Variants in RIOK3 observed in about 807,000 individuals in gnomAD.
The protein encoded by RIOK3 is RIO kinase 3.
RIOK3 carries 40 observed loss-of-function variants against 63.5 expected under a neutral mutation model. The observed-to-expected ratio is 0.63, with a 90% CI of 0.49 to 0.82. The LOEUF is 0.82. Among genes scored for constraint, RIOK3 ranks in the 40% least tolerant of loss-of-function variants. RIOK3 has a pLI of 0.00. For missense variants in RIOK3, 557 were observed against 637.0 expected, an observed-to-expected ratio of 0.87 and a Z score of 1.35; for synonymous variants, 193 against 205.0, an observed-to-expected ratio of 0.94 and a Z score of 0.50.
At chr18:23,467,365 G>T (rs1161049046) in intron 6 of RIOK3, 34 bp from the exon 7 acceptor site, 16 of 1,580,770 alleles carry the variant, frequency 1.0e-5, no homozygotes, top group Middle Eastern at 1.7e-4. Context: ...GTGATTAGCA[G>T]TCATTTTCAC....
At chr18:23,477,611 A>G (rs1160571330) in intron 11 of RIOK3, among the ~76,000 whole-genome samples, 2 of 151,050 alleles carry the variant, frequency 1.3e-5, no homozygotes, top group Non-Finnish European at 2.9e-5. Context: ...TAAAAATGCA[A>G]AATTAGCCGG....
At chr18:23,480,152 A>G (rs2057521869) in intron 12 of RIOK3, among the ~76,000 whole-genome samples, 1 of 152,204 alleles carries the variant, frequency 6.6e-6, no homozygotes, top group Admixed American at 6.5e-5. Context: ...AGCTTCCTCC[A>G]GAGAAAGTCT....
intron 9 of RIOK3, among the ~76,000 whole-genome samples, chr18:23,475,781 C>T (rs1054250377): frequency 1.3e-5 from 2 of 152,084 alleles, no homozygotes; most frequent in Non-Finnish European, 2.9e-5. Flanking sequence ...TTTTAGAAAA[C>T]TTACAGACTT....
At chr18:23,460,049 G>A (rs911161794) in intron 1 of RIOK3, among the ~76,000 whole-genome samples, 9 of 152,054 alleles carry the variant, frequency 5.9e-5, no homozygotes, top group African/African-American at 2.2e-4. Context: ...GATAGATGAG[G>A]GTTGAGATTG....
Position 23,483,015 on chromosome 18 carries a change from A to C in RIOK3, c.*1736A>C, listed in dbSNP as rs2057545163. ...TAATTTTTAAAATCTTTAGCATTTA[A>C]AACTTTTTTTGTTTTGTTTTCTGAC... On this transcript the variant is annotated 3_prime_UTR_variant, in exon 13 of 13. Coordinates refer to ENST00000339486, the MANE Select transcript of RIOK3 (RefSeq NM_003831.5). The C allele has an allele frequency of 6.6e-6, 1 of 152,224 alleles. No homozygotes were observed. The highest frequency in any genetic ancestry group is 2.4e-5 in the African/African-American group (1 of 41,452). 9.4% of individuals were successfully genotyped at this position (152,224 alleles called of 1,614,324 possible). A position where few individuals can be genotyped will look rare whatever the true frequency, so the allele number is the denominator to read the frequency against.
intron 6 of RIOK3, 68 bp downstream of exon 6, chr18:23,466,344 A>AG: frequency 1.6e-6 from 2 of 1,267,858 alleles, no homozygotes; most frequent in Non-Finnish European, 2.1e-6. Context: ...CTTTGGGTAA[A>AG]GAAAAAAAAA....
Position 23,474,342 on chromosome 18 carries a change from C to T in RIOK3, c.1014-606C>T, listed in dbSNP as rs143624865. On this transcript the variant is annotated intron_variant, in intron 8 of 12. Transcript: ENST00000339486. ...TAGGAGTTCAAAACCAGCCTGGAAACGTTAGACTCCCAAGACCTTGTCTCA... is the reference window on the plus strand; with the variant it reads ...TAGGAGTTCAAAACCAGCCTGGAAATGTTAGACTCCCAAGACCTTGTCTCA... 2.5e-4 allele frequency among the ~76,000 whole-genome samples: 38 copies of T among 151,934 alleles called. 1 individual carries two copies. The highest frequency in any genetic ancestry group is 7.7e-4 in the East Asian group (4 of 5,170).
At chr18:23,454,399 G>T (rs572126707) in intron 1 of RIOK3, among the ~76,000 whole-genome samples, 97 of 152,362 alleles carry the variant, frequency 6.4e-4, no homozygotes, top group African/African-American at 2.3e-3. Context: ...GTAACCAAAA[G>T]TTAATTTTGT....
intron 7 of RIOK3, among the ~76,000 whole-genome samples, chr18:23,469,429 TC>T (rs1568384704): frequency 8.5e-5 from 11 of 129,764 alleles, no homozygotes; most frequent in South Asian, 3.0e-4. Flanking sequence ...TCTCTCTCTC[TC>T]CCTCTCCTCT....
At chr18:23,468,293 CTTTTTTTTTTT>C (rs1245472469) in intron 7 of RIOK3, among the ~76,000 whole-genome samples, 4 of 46,450 alleles carry the variant, frequency 8.6e-5, no homozygotes, top group Non-Finnish European at 1.5e-4. Context: ...CAATATACTC[CTTTTTTTTTTT>C]TTTTTTTTTT....
Position 23,473,527 on chromosome 18 carries a change from A to G in RIOK3, c.914A>G (p.Tyr305Cys). Reference sequence around the variant, plus strand: ...AATGAATTTAAGAATCGTGACAAATATATTAAAGATGATTTCAGGTTTAAA... The same window carrying G: ...AATGAATTTAAGAATCGTGACAAATGTATTAAAGATGATTTCAGGTTTAAA... ...TLNEFKNRDK[Y>C]IKDDFRFKDR... is the part of the protein sequence containing the mutation. Residue 305 changes from tyrosine (Y) to cysteine (C), a missense_variant, in exon 8 of 13, where the codon TAT becomes TGT. By Grantham distance (194) the Tyr-to-Cys change is radical. Around this residue, in one of 3 missense-constraint regions of RIOK3, gnomAD observed 309 missense variants for 338.7 expected, o/e 0.91. Coordinates refer to ENST00000339486, the MANE Select transcript of RIOK3 (RefSeq NM_003831.5). 6.2e-7 allele frequency: 1 copy of G among 1,613,128 alleles called. No homozygotes were observed. The highest frequency in any genetic ancestry group is 1.3e-5 in the African/African-American group (1 of 75,018).
intron 7 of RIOK3, among the ~76,000 whole-genome samples, chr18:23,471,862 G>A (rs1366543570): frequency 1.3e-5 from 2 of 152,186 alleles, no homozygotes; most frequent in Non-Finnish European, 2.9e-5. Context: ...ATGCCTGTTA[G>A]ACTTCTAAGT....
chr18:23,464,490 T>C, intron 4 of RIOK3, 29 bp from the exon 5 acceptor site: 1 of 1,447,774 alleles, frequency 6.9e-7, no homozygotes, highest in Non-Finnish European at 9.5e-7. Flanking sequence ...GCTATTTTTA[T>C]ATACCTGGCT....
chr18:23,477,162 G>A lies in RIOK3; in HGVS notation c.1255-17G>A. 1 of 1,610,810 alleles carries A rather than the reference G, an allele frequency of 6.2e-7. No homozygotes were observed. The highest frequency in any genetic ancestry group is 8.5e-7 in the Non-Finnish European group (1 of 1,176,958). On this transcript the variant is annotated splice_polypyrimidine_tract_variant and intron_variant, in intron 10 of 12. Coordinates refer to ENST00000339486, the MANE Select transcript of RIOK3 (RefSeq NM_003831.5). Reference sequence around the variant, plus strand: ...TTAAAATGTAAATACATCAGTTCATGTTCTGTATTGAAATAGGTCTGGTTG... The same window carrying A: ...TTAAAATGTAAATACATCAGTTCATATTCTGTATTGAAATAGGTCTGGTTG...
At chr18:23,478,834 ATT>A (rs2057512053) in intron 11 of RIOK3, among the ~76,000 whole-genome samples, 1 of 152,048 alleles carries the variant, frequency 6.6e-6, no homozygotes, top group Non-Finnish European at 1.5e-5. Flanking sequence ...TAGTGAAAGT[ATT>A]TCCTTTACAT....
chr18:23,464,874 T>C lies in RIOK3; in HGVS notation c.543+246T>C, dbSNP rs543926153. On this transcript the variant is annotated intron_variant, in intron 5 of 12. Coordinates refer to ENST00000339486, the MANE Select transcript of RIOK3 (RefSeq NM_003831.5). ...TCACATTGATTCTAAAATTAATAAA[T>C]AGTTATTATGAAATTAACATTTATT... 9.8e-5 allele frequency among the ~76,000 whole-genome samples: 15 copies of C among 152,316 alleles called. No homozygotes were observed. The South Asian group carries it at 3.1e-3, about 32-fold the overall frequency.
intron 7 of RIOK3, 58 bp from the exon 8 acceptor site, chr18:23,473,371 A>T: frequency 1.0e-6 from 1 of 996,406 alleles, no homozygotes; most frequent in Non-Finnish European, 1.5e-6. Flanking sequence ...TTATTTTGAA[A>T]TTGTTGTACT....
At chr18:23,457,420 A>G (rs1268261908) in intron 1 of RIOK3, among the ~76,000 whole-genome samples, 1 of 152,242 alleles carries the variant, frequency 6.6e-6, no homozygotes, top group Non-Finnish European at 1.5e-5. Context: ...TGGCAACTAA[A>G]TGTAACGTGG....
rs2057534388 is a variant in RIOK3, at chr18:23,481,483, A to G, written c.*204A>G. 1 of 465,940 alleles carries G rather than the reference A, an allele frequency of 2.1e-6. No individual in the cohort carries two copies. The highest frequency in any genetic ancestry group is 4.3e-5 in the South Asian group (1 of 23,486). The allele number at this position is 465,940 out of a possible 1,614,324, so 28.9% of individuals were successfully genotyped here. ...ATAAAATGTCACTACCTCTCATCTT[A>G]TGAACAGGATAATATAATTCTTTAA... is the stretch of plus-strand genomic sequence containing the variant. On this transcript the variant is annotated 3_prime_UTR_variant, in exon 13 of 13. Coordinates refer to ENST00000339486, the MANE Select transcript of RIOK3 (RefSeq NM_003831.5).
Sources: gnomAD v4.1 joint callset for allele counts (sites outside exome capture counted in the v4.1 genomes callset) on GRCh38, gnomAD v4.1.1 for gene constraint, gnomAD v4.1.1 regional missense constraint, MANE v1.5 for transcripts, NCBI Gene and HGNC (gene_info 2026-07-23, HGNC 2026-07-21) for gene names.